Variants in MYH11 observed in about 807,000 individuals in gnomAD.
The protein encoded by MYH11 is myosin heavy chain 11, also known as myosin-11.
A neutral mutation model predicts 246.6 loss-of-function variants in MYH11; 80 were observed. The observed-to-expected ratio is 0.32, with a 90% CI of 0.27 to 0.39. The LOEUF is 0.39. Among genes scored for constraint, MYH11 ranks in the 10% least tolerant of loss-of-function variants. MYH11 has a pLI of 1.00. For synonymous variants in MYH11, 1,071 were observed against 1,015.5 expected, an observed-to-expected ratio of 1.05 and a Z score of -1.04; for missense variants, 2,158 against 2,546.8, an observed-to-expected ratio of 0.85 and a Z score of 3.29.
intron 4 of MYH11, chr16:15,790,896 T>C: frequency 6.6e-6 from 1 of 152,132 alleles, no homozygotes; most frequent in East Asian, 1.9e-4. Context: ...CATACTCTAA[T>C]GTTGCCATCT....
chr16:15,758,577 G>C (rs1452771386), intron 12 of MYH11, among the ~76,000 whole-genome samples: 1 of 151,818 alleles, frequency 6.6e-6, no homozygotes, highest in Non-Finnish European at 1.5e-5. Flanking sequence ...GCCGAGGCTG[G>C]TGGATCATTT....
chr16:15,779,779 C>A (rs978489962), intron 6 of MYH11, among the ~76,000 whole-genome samples: 5 of 152,210 alleles, frequency 3.3e-5, no homozygotes, highest in African/African-American at 1.2e-4. Context: ...CCTGCCTCAG[C>A]TAAGCCATGA....
rs756521007 is a variant in MYH11, at chr16:15,798,645, A to G, written c.530+15T>C. 8 of 1,586,988 alleles carry G rather than the reference A, an allele frequency of 5.0e-6. No individual in the cohort carries two copies. The highest frequency in any genetic ancestry group is 6.8e-6 in the Non-Finnish European group (8 of 1,171,260). On this transcript the variant is annotated intron_variant, in intron 4 of 40. Transcript: ENST00000300036. ...AAAACAAAAAAAAAACAGAAGAAAA[A>G]GCAGTTCCACTTACGTGCATAGAAT... is the stretch of plus-strand genomic sequence containing the variant.
intron 1 of MYH11, among the ~76,000 whole-genome samples, chr16:15,839,960 A>G (rs1251738678): frequency 6.6e-6 from 1 of 152,146 alleles, no homozygotes; most frequent in Non-Finnish European, 1.5e-5. Flanking sequence ...CTGAGGCAGG[A>G]GAATCACTTG....
chr16:15,741,675 C>G lies in MYH11; in HGVS notation c.2653-6G>C, dbSNP rs200637980. 4.8e-5 allele frequency: 77 copies of G among 1,613,940 alleles called. No homozygotes were observed. The African/African-American group carries it at 9.3e-4, about 20-fold the overall frequency. ...AGGTTCTTCTCCTCGGTCAGCTGCA[C>G]GCAGGTGGTGGGGAGGAGGCGGGTG... On this transcript the variant is annotated splice_region_variant and splice_polypyrimidine_tract_variant and intron_variant, in intron 21 of 40. Transcript: ENST00000300036.
chr16:15,744,387 G>A lies in MYH11; in HGVS notation c.2520+742C>T, dbSNP rs1405115077. Reference sequence around the variant, plus strand: ...TTTTTGTACATTTAGTAGAGACAGGGTTTCACCATCTTGGCCAGGATGGTC... The same window carrying A: ...TTTTTGTACATTTAGTAGAGACAGGATTTCACCATCTTGGCCAGGATGGTC... On this transcript the variant is annotated intron_variant, in intron 20 of 40. Coordinates refer to ENST00000300036, the MANE Select transcript of MYH11 (RefSeq NM_002474.3). Among the ~76,000 whole-genome samples, 3 of 151,916 alleles carry A rather than the reference G, an allele frequency of 2.0e-5. No individual in the cohort carries two copies. The East Asian group carries it at 5.8e-4, about 29-fold the overall frequency.
intron 14 of MYH11, among the ~76,000 whole-genome samples, chr16:15,755,555 G>A (rs773431377): frequency 6.6e-6 from 1 of 152,188 alleles, no homozygotes; most frequent in Non-Finnish European, 1.5e-5. Flanking sequence ...TCAGGAAGCC[G>A]AGGCAGGGAG....
At position 15,747,915 on chromosome 16, in the gene MYH11, G is replaced by T; in HGVS notation, c.2209C>A (p.Pro737Thr). ...TGCTTCCCGTCCATGAAGCCTTTGGGGATGGCATTCGCCGCCAGGATCTCG... is the reference window on the plus strand; with the variant it reads ...TGCTTCCCGTCCATGAAGCCTTTGGTGATGGCATTCGCCGCCAGGATCTCG... Reference protein sequence around the residue: ...RYEILAANAIPKGFMDGKQAC... With the variant: ...RYEILAANAITKGFMDGKQAC... The change falls in exon 18 of 41, where the codon CCC becomes ACC. Residue 737 changes from proline (P) to threonine (T), a missense_variant. Around this residue, in one of 11 missense-constraint regions of MYH11, gnomAD observed 56 missense variants for 47.2 expected, o/e 1.19. Coordinates refer to ENST00000300036, the MANE Select transcript of MYH11 (RefSeq NM_002474.3). The T allele has an allele frequency of 1.2e-6, 2 of 1,613,998 alleles. No homozygotes were observed. The highest frequency in any genetic ancestry group is 8.5e-7 in the Non-Finnish European group (1 of 1,180,016).
intron 34 of MYH11, among the ~76,000 whole-genome samples, 170 bp from the exon 35 acceptor site, chr16:15,719,883 G>A (rs1189194362): frequency 6.6e-6 from 1 of 152,178 alleles, no homozygotes; most frequent in Non-Finnish European, 1.5e-5. Context: ...TGCGCTGGGA[G>A]CACCATTCTG....
intron 5 of MYH11, chr16:15,784,874 T>C (rs2151305601): frequency 2.6e-6 from 2 of 768,530 alleles, no homozygotes; most frequent in Non-Finnish European, 4.3e-6. Flanking sequence ...GTTTCTTTTC[T>C]CTCTGTTTAG....
At chr16:15,773,917 C>G (rs1312461671) in intron 8 of MYH11, among the ~76,000 whole-genome samples, 3 of 152,126 alleles carry the variant, frequency 2.0e-5, no homozygotes, top group South Asian at 2.1e-4. Context: ...TCCCCCACCC[C>G]CAACTTTATA....
At chr16:15,760,480 G>T in intron 11 of MYH11, 60 bp downstream of exon 11, 1 of 1,268,638 alleles carries the variant, frequency 7.9e-7, no homozygotes, top group Non-Finnish European at 1.2e-6. Flanking sequence ...CAGGTGGATA[G>T]ATGGATGAAT....
intron 40 of MYH11, chr16:15,712,881 A>AGTTTTTTTTTTGTTTTTTTTTTTTTTTTT (rs1567680184): frequency 6.1e-5 from 4 of 65,936 alleles, no homozygotes; most frequent in Non-Finnish European, 1.1e-4. Context: ...CTTCACATAC[A>AGTTTTTTTTTTGTTTTTTTTTTTTTTTTT]GTTTTTTTTT....
chr16:15,717,943 T>G (rs941356528), intron 37 of MYH11: 3 of 365,214 alleles, frequency 8.2e-6, no homozygotes, highest in African/African-American at 6.2e-5. Context: ...TGGTCCCTAG[T>G]GCCCACCATG....
At chr16:15,844,571 G>T (rs1010328542) in intron 1 of MYH11, among the ~76,000 whole-genome samples, 1 of 152,148 alleles carries the variant, frequency 6.6e-6, no homozygotes, top group African/African-American at 2.4e-5. Flanking sequence ...ATAATTGAAA[G>T]AAAAGAGGCT....
At chr16:15,797,555 A>G (rs978157294) in intron 4 of MYH11, among the ~76,000 whole-genome samples, 7 of 148,166 alleles carry the variant, frequency 4.7e-5, no homozygotes, top group Non-Finnish European at 8.9e-5. Context: ...ATATATATAA[A>G]TATAAATATA....
intron 7 of MYH11, among the ~76,000 whole-genome samples, chr16:15,777,938 AC>A (rs2042261569): frequency 6.6e-6 from 1 of 151,744 alleles, no homozygotes; most frequent in Admixed American, 6.6e-5. Context: ...TCCACAACCC[AC>A]CCTCTTATCC....
chr16:15,785,688 C>CG (rs1567760020), intron 5 of MYH11: 2 of 152,246 alleles, frequency 1.3e-5, no homozygotes, highest in African/African-American at 4.8e-5. Context: ...AACCTGCAGA[C>CG]GGAGGCACCG....
intron 31 of MYH11, among the ~76,000 whole-genome samples, chr16:15,722,151 A>C (rs1015958112): frequency 6.6e-6 from 1 of 152,070 alleles, no homozygotes; most frequent in Non-Finnish European, 1.5e-5. Context: ...GAGCCACCAC[A>C]CCTGGCCAAA....
Sources: allele counts gnomAD v4.1 joint callset (sites outside exome capture counted in the v4.1 genomes callset), GRCh38; gene constraint gnomAD v4.1.1; regional missense constraint gnomAD v4.1.1; transcripts MANE v1.5; gene names NCBI Gene and HGNC (gene_info 2026-07-23, HGNC 2026-07-21).